DTNA: variants seen among roughly 807,000 people sequenced by gnomAD.
DTNA encodes the protein dystrobrevin alpha.
DTNA carries 43 observed loss-of-function variants against 100.7 expected under a neutral mutation model. The ratio of observed to expected loss-of-function variants is 0.43; its 90% confidence interval spans 0.33 to 0.55. The LOEUF is 0.55. Ranked by LOEUF, DTNA falls within the 20% of genes least tolerant of loss-of-function variation. The probability of loss-of-function intolerance (pLI) is 0.04; values close to 1 mark genes in which losing one functional copy is unlikely to be tolerated. For synonymous variants in DTNA, 349 were observed against 347.9 expected (o/e 1.00, Z -0.04); for missense variants, 798 against 953.9 (o/e 0.84, Z 2.15).
chr18:34,840,182 T>A (rs1033244093), intron 13 of DTNA, among the ~76,000 whole-genome samples: 3 of 152,170 alleles, frequency 2.0e-5, no homozygotes, highest in Non-Finnish European at 4.4e-5. Flanking sequence ...TTACCTTAGA[T>A]CCTACTGTTT....
chr18:34,714,806 C>T (rs1233993175), intron 1 of DTNA, among the ~76,000 whole-genome samples: 1 of 152,050 alleles, frequency 6.6e-6, no homozygotes, highest in African/African-American at 2.4e-5. Flanking sequence ...TGGAACCAAG[C>T]CAAACGTCCA....
In DTNA at chr18:34,828,446, A is replaced by C. The variant is rs756876187; in HGVS notation, c.1085+770A>C. 2.6e-5 allele frequency among the ~76,000 whole-genome samples: 4 copies of C among 152,348 alleles called. No individual in the cohort carries two copies. In the Middle Eastern group the frequency reaches 0.014, roughly 518 times the overall value. ...GTGAGTAATTGAACATAAGATTTCA[A>C]ATGCCTTTCAGCAGAAAAAAAGTAC... On this transcript the variant is annotated intron_variant, in intron 10 of 22. Transcript: ENST00000444659.
At position 34,590,091 on chromosome 18, in the gene DTNA, G is replaced by C. The variant is rs570361326; in HGVS notation, c.-2+96577G>C. On this transcript the variant is annotated intron_variant, in intron 1 of 19. Transcript: ENST00000283365. ...GGAAGTACAGATACCTTTAGGAGTT[G>C]ATGTATTTCCTTTGGGTATATACCC... 5.9e-4 allele frequency among the ~76,000 whole-genome samples: 90 copies of C among 152,142 alleles called. 2 individuals are homozygous for C. The highest frequency in any genetic ancestry group is 1.1e-3 in the Non-Finnish European group (78 of 68,040).
chr18:34,691,803 T>C (rs1366093076), intron 1 of DTNA, among the ~76,000 whole-genome samples: 2 of 152,236 alleles, frequency 1.3e-5, no homozygotes, highest in Non-Finnish European at 2.9e-5. Context: ...TTCATCTGCA[T>C]GCACTCATGT....
chr18:34,618,832 C>A (rs2055867252), intron 1 of DTNA, among the ~76,000 whole-genome samples: 1 of 152,116 alleles, frequency 6.6e-6, no homozygotes, highest in African/African-American at 2.4e-5. Context: ...TGATCATCAG[C>A]CATGTACCAA....
At chr18:34,634,943 T>A (rs2058501441) in intron 1 of DTNA, among the ~76,000 whole-genome samples, 1 of 152,182 alleles carries the variant, frequency 6.6e-6, no homozygotes, top group Non-Finnish European at 1.5e-5. Flanking sequence ...GTGCAAATGG[T>A]AACACAGTGA....
chr18:34,887,370 C>A (rs938549515), intron 22 of DTNA, among the ~76,000 whole-genome samples: 2 of 152,172 alleles, frequency 1.3e-5, no homozygotes, highest in Non-Finnish European at 2.9e-5. Context: ...CCACTCACAT[C>A]CAAGTGGAAA....
upstream of DTNA, among the ~76,000 whole-genome samples, chr18:34,707,436 G>C (rs1459982597): frequency 6.6e-6 from 1 of 152,118 alleles, no homozygotes; most frequent in Non-Finnish European, 1.5e-5. Flanking sequence ...TTAAAACTTT[G>C]TGAAACCAAA....
At chr18:34,821,544 G>C in intron 9 of DTNA, 2 of 456,356 alleles carry the variant, frequency 4.4e-6, no homozygotes, top group Non-Finnish European at 8.8e-6. Context: ...CTACCTCCCA[G>C]AAGTTTCATG....
chr18:34,558,530 A>C (rs1411173402), intron 1 of DTNA, among the ~76,000 whole-genome samples: 1 of 152,206 alleles, frequency 6.6e-6, no homozygotes, highest in African/African-American at 2.4e-5. Flanking sequence ...TGGAGTGTAC[A>C]TTCTACTGGA....
At chr18:34,791,038 C>A (rs1003453192) in intron 3 of DTNA, among the ~76,000 whole-genome samples, 8 of 152,084 alleles carry the variant, frequency 5.3e-5, no homozygotes, top group Non-Finnish European at 1.2e-4. Context: ...ATGGGCTGCT[C>A]ACCCTGAGGC....
Position 34,851,881 on chromosome 18 carries a change from G to A in DTNA, c.1485G>A (p.Ala495=), listed in dbSNP as rs397517443. The A allele has an allele frequency of 1.7e-4, 281 of 1,614,024 alleles. No homozygotes were observed. Among genetic ancestry groups the A allele is most frequent in the Non-Finnish European group, 2.2e-4 (262 of 1,179,934 alleles). ...CTGACATCTCTTTCACCATCGATGC[G>A]AATAAGCAGCAAAGGCAGCTGATTG... is the stretch of plus-strand genomic sequence containing the variant. ...SAPDISFTID[A]NKQQRQLIAE... The change falls in exon 15 of 23, where the codon GCG becomes GCA. Residue 495 remains alanine (A), a synonymous_variant. Coordinates refer to ENST00000444659, the MANE Select transcript of DTNA (RefSeq NM_001386795.1).
intron 11 of DTNA, among the ~76,000 whole-genome samples, chr18:34,834,220 G>C (rs1355668684): frequency 6.6e-6 from 1 of 152,112 alleles, no homozygotes; most frequent in Non-Finnish European, 1.5e-5. Flanking sequence ...TTGAGGCTGG[G>C]CACGGTGGCT....
intron 3 of DTNA, among the ~76,000 whole-genome samples, chr18:34,787,164 A>G (rs2094537242): frequency 6.6e-6 from 1 of 152,222 alleles, no homozygotes; most frequent in Non-Finnish European, 1.5e-5. Flanking sequence ...AGCCACAGTT[A>G]AGGATCACTA....
chr18:34,532,461 G>T (rs965747119), intron 1 of DTNA, among the ~76,000 whole-genome samples: 5 of 152,002 alleles, frequency 3.3e-5, no homozygotes, highest in Admixed American at 3.3e-4. Flanking sequence ...TTCTATGGAG[G>T]GTTGGAATGC....
At chr18:34,580,995 C>T (rs981428353) in intron 1 of DTNA, among the ~76,000 whole-genome samples, 10 of 152,138 alleles carry the variant, frequency 6.6e-5, no homozygotes, top group Non-Finnish European at 7.3e-5. Context: ...CCTGTAATCC[C>T]AGCACTTTGG....
intron 1 of DTNA, among the ~76,000 whole-genome samples, chr18:34,699,908 C>T (rs1200722230): frequency 6.6e-6 from 1 of 152,094 alleles, no homozygotes; most frequent in Non-Finnish European, 1.5e-5. Context: ...GACAGTTGCA[C>T]TTTAGACAAG....
At chr18:34,560,576 T>C (rs918215642) in intron 1 of DTNA, among the ~76,000 whole-genome samples, 1 of 152,170 alleles carries the variant, frequency 6.6e-6, no homozygotes, top group Admixed American at 6.5e-5. Flanking sequence ...ATCTTAGTTT[T>C]TCATGGTAGT....
At chr18:34,549,398 T>C (rs747104928) in intron 1 of DTNA, among the ~76,000 whole-genome samples, 3 of 151,964 alleles carry the variant, frequency 2.0e-5, no homozygotes, top group African/African-American at 7.2e-5. Flanking sequence ...AAAAAGAAAA[T>C]CAAAGCCTGT....
Sources: gnomAD v4.1 joint callset for allele counts (sites outside exome capture counted in the v4.1 genomes callset) on GRCh38, gnomAD v4.1.1 for gene constraint, MANE v1.5 for transcripts, NCBI Gene and HGNC (gene_info 2026-07-23, HGNC 2026-07-21) for gene names.